The following METTL15 variants were observed in gnomAD, a reference collection of about 807,000 sequenced individuals.
The protein encoded by METTL15 is methyltransferase 15, mitochondrial 12S rRNA N4-cytidine, also known as 12S rRNA N(4)-cytidine methyltransferase METTL15.
METTL15 carries 34 observed loss-of-function variants against 38.3 expected under a neutral mutation model. That is an observed-to-expected ratio of 0.89 (90% CI 0.68 to 1.18). The LOEUF (loss-of-function observed/expected upper bound fraction) is 1.18, where lower values mean the gene tolerates loss of function less well. Among genes scored for constraint, METTL15 ranks in the 50% most tolerant of loss-of-function variants. METTL15 has a pLI of 0.00. For synonymous variants in METTL15, 162 were observed against 170.9 expected (o/e 0.95, Z 0.41); for missense variants, 438 against 498.4 (o/e 0.88, Z 1.15).
chr11:28,337,149 G>A (rs375729494), downstream of METTL15, among the ~76,000 whole-genome samples: 19 of 152,238 alleles, frequency 1.2e-4, no homozygotes, highest in African/African-American at 4.3e-4. Flanking sequence ...CAGCATGTTT[G>A]TGTTTTAAGC....
At chr11:28,403,526 TG>T (rs769670722) in intron 5 of METTL15, among the ~76,000 whole-genome samples, 39 of 151,960 alleles carry the variant, frequency 2.6e-4, no homozygotes, top group Non-Finnish European at 5.0e-4. Flanking sequence ...GTTAATAACT[TG>T]GGTCTTGGAG....
intron 1 of METTL15, among the ~76,000 whole-genome samples, chr11:28,109,023 T>C (rs1260415494): frequency 2.0e-5 from 3 of 152,244 alleles, no homozygotes; most frequent in Non-Finnish European, 4.4e-5. Context: ...ATTTAGATTT[T>C]AGACACAATA....
intron 5 of METTL15, among the ~76,000 whole-genome samples, chr11:28,417,708 C>T (rs577972388): frequency 6.6e-6 from 1 of 152,206 alleles, no homozygotes; most frequent in South Asian, 2.1e-4. Flanking sequence ...ATAGTATTAG[C>T]ATAATGCCTT....
At chr11:28,426,584 G>GTTTTTTTTTTTTTT (rs66959082) in intron 6 of METTL15, among the ~76,000 whole-genome samples, 4 of 82,340 alleles carry the variant, frequency 4.9e-5, no homozygotes, top group Admixed American at 1.2e-4. Flanking sequence ...GCCAGCATCT[G>GTTTTTTTTTTTTTT]TTTTTTTTTT....
intron 4 of METTL15, among the ~76,000 whole-genome samples, chr11:28,219,153 C>T (rs1265723325): frequency 6.6e-6 from 1 of 152,124 alleles, no homozygotes; most frequent in East Asian, 1.9e-4. Context: ...TCTCCTTGTA[C>T]CTCTGGTAGA....
At chr11:28,118,853 G>A (rs540661023) in intron 3 of METTL15, among the ~76,000 whole-genome samples, 2 of 152,284 alleles carry the variant, frequency 1.3e-5, no homozygotes, top group South Asian at 2.1e-4. Context: ...AGGATTAGAT[G>A]AGTTAATATA....
chr11:28,270,448 G>C (rs1855598752), intron 4 of METTL15, among the ~76,000 whole-genome samples: 1 of 152,060 alleles, frequency 6.6e-6, no homozygotes, highest in Non-Finnish European at 1.5e-5. Flanking sequence ...AGTCTTTTGA[G>C]GTACAAAATA....
In METTL15 at chr11:28,229,702, G is replaced by T. The variant is rs566172329; in HGVS notation, c.407+18504G>T. 1.1e-4 allele frequency among the ~76,000 whole-genome samples: 17 copies of T among 152,034 alleles called. No individual in the cohort carries two copies. In the South Asian group the frequency reaches 3.5e-3, roughly 32 times the overall value. On this transcript the variant is annotated intron_variant, in intron 4 of 6. Coordinates refer to ENST00000407364, the MANE Select transcript of METTL15 (RefSeq NM_001113528.2). ...TGGCATTTTGATCTTGGACTTCCCAGCCTCTAGAACTATGAGAAATAAATT... is the reference window on the plus strand; with the variant it reads ...TGGCATTTTGATCTTGGACTTCCCATCCTCTAGAACTATGAGAAATAAATT...
At chr11:28,412,399 A>T (rs1433018659) in intron 5 of METTL15, among the ~76,000 whole-genome samples, 3 of 151,618 alleles carry the variant, frequency 2.0e-5, no homozygotes, top group Non-Finnish European at 2.9e-5. Context: ...AAAATGTTAT[A>T]TATATATAAA....
chr11:28,245,158 G>A (rs955444722), intron 4 of METTL15, among the ~76,000 whole-genome samples: 11 of 152,164 alleles, frequency 7.2e-5, no homozygotes, highest in Admixed American at 3.3e-4. Flanking sequence ...AGACAATGGA[G>A]CTGTACAACT....
intron 6 of METTL15, among the ~76,000 whole-genome samples, chr11:28,520,572 A>G (rs1171908096): frequency 2.0e-5 from 3 of 152,116 alleles, no homozygotes; most frequent in Non-Finnish European, 4.4e-5. Flanking sequence ...TGGTTAGGCC[A>G]CCCTGGGAGT....
At position 28,115,841 on chromosome 11, in the gene METTL15, C is replaced by CGT. The variant is rs896548515; in HGVS notation, c.270+2250_270+2251dup. Among the ~76,000 whole-genome samples, 7 of 150,134 alleles carry CGT rather than the reference C, an allele frequency of 4.7e-5. No individual in the cohort carries two copies. In the East Asian group the frequency reaches 5.9e-4, roughly 13 times the overall value. The stretch of plus-strand genomic sequence containing the variant: ...AAACCTGTGTTGTTCAAGGATAAAT[C>CGT]GTGTGTGTGTGTGTATACCCATACA... On this transcript the variant is annotated intron_variant, in intron 3 of 6. Transcript: ENST00000407364.
chr11:28,148,319 C>T (rs1849960315), intron 3 of METTL15, among the ~76,000 whole-genome samples: 1 of 151,968 alleles, frequency 6.6e-6, no homozygotes, highest in Middle Eastern at 3.4e-3. Flanking sequence ...AGCCTTATTT[C>T]CATGTTACGC....
chr11:28,109,385 G>A (rs1851620333), intron 1 of METTL15, among the ~76,000 whole-genome samples: 1 of 152,130 alleles, frequency 6.6e-6, no homozygotes, highest in South Asian at 2.1e-4. Context: ...TCATTGTATA[G>A]TACTTTACGT....
intron 3 of METTL15, among the ~76,000 whole-genome samples, chr11:28,149,711 C>A (rs1380077654): frequency 6.6e-6 from 1 of 151,804 alleles, no homozygotes; most frequent in Non-Finnish European, 1.5e-5. Context: ...TGATGGATTA[C>A]CCAAAACCGA....
intron 5 of METTL15, among the ~76,000 whole-genome samples, chr11:28,404,142 A>T (rs1395904412): frequency 6.6e-6 from 1 of 152,058 alleles, no homozygotes; most frequent in African/African-American, 2.4e-5. Context: ...ATTTTGAGAG[A>T]TTAAAGATAC....
At chr11:28,466,661 T>A (rs377470089) in intron 6 of METTL15, among the ~76,000 whole-genome samples, 1 of 152,222 alleles carries the variant, frequency 6.6e-6, no homozygotes, top group South Asian at 2.1e-4. Context: ...CATCACGCGG[T>A]GCCTGATTGT....
intron 6 of METTL15, among the ~76,000 whole-genome samples, chr11:28,514,177 C>A (rs1369196819): frequency 3.3e-5 from 5 of 152,162 alleles, no homozygotes; most frequent in African/African-American, 1.2e-4. Flanking sequence ...ATTCTTTCAT[C>A]CCCTTTGACA....
At chr11:28,347,549 A>C (rs542218085) in intron 3 of METTL15, among the ~76,000 whole-genome samples, 16 of 152,216 alleles carry the variant, frequency 1.1e-4, no homozygotes, top group Non-Finnish European at 1.9e-4. Flanking sequence ...GACCTGGACT[A>C]ACCCATCAAC....
Sources: allele counts gnomAD v4.1 joint callset (sites outside exome capture counted in the v4.1 genomes callset), GRCh38; gene constraint gnomAD v4.1.1; transcripts MANE v1.5; gene names NCBI Gene and HGNC (gene_info 2026-07-23, HGNC 2026-07-21).